The following LPP variants were observed in gnomAD, a reference collection of about 807,000 sequenced individuals.
The protein encoded by LPP is lipoma-preferred partner.
Under a neutral mutation model 60.4 loss-of-function variants are expected in LPP, and 38 were observed. The ratio of observed to expected loss-of-function variants is 0.63; its 90% CI spans 0.49 to 0.83. The LOEUF (loss-of-function observed/expected upper bound fraction) is 0.83. Ranked by LOEUF, LPP falls within the 40% of genes least tolerant of loss-of-function variation. The pLI is 0.00. For synonymous variants in LPP, 328 were observed against 290.8 expected, an observed-to-expected ratio of 1.13 and a Z score of -1.30; for missense variants, 902 against 783.6, an observed-to-expected ratio of 1.15 and a Z score of -1.80.
At chr3:188,771,241 CA>C (rs889076362) in intron 9 of LPP, among the ~76,000 whole-genome samples, 9 of 151,424 alleles carry the variant, frequency 5.9e-5, no homozygotes, top group African/African-American at 1.9e-4. Flanking sequence ...GTGATCTTAT[CA>C]AAAAAAATTT....
intron 9 of LPP, among the ~76,000 whole-genome samples, chr3:188,798,727 T>C (rs970995820): frequency 6.6e-6 from 1 of 152,184 alleles, no homozygotes; most frequent in African/African-American, 2.4e-5. Context: ...TGTAGCCATA[T>C]GTTGACTTCC....
In LPP at chr3:188,250,724, C is replaced by CTCTTTCTTTCTTTCTT. The variant is rs768358623; in HGVS notation, c.-67+25245_-67+25260dup. Reference sequence around the variant, plus strand: ...TTTCCTCTTTCTTTTCTTTCTTTCTCTCTTTCTTTCTTTCTTTCTTTCTTT... The same window carrying CTCTTTCTTTCTTTCTT: ...TTTCCTCTTTCTTTTCTTTCTTTCTCTCTTTCTTTCTTTCTTTCTTTCTTTCTTTCTTTCTTTCTTT... On this transcript the variant is annotated intron_variant, in intron 2 of 11. Coordinates refer to ENST00000617246, the MANE Select transcript of LPP (RefSeq NM_001375462.1). Among the ~76,000 whole-genome samples, 25 of 118,512 alleles carry CTCTTTCTTTCTTTCTT rather than the reference C, an allele frequency of 2.1e-4. 1 individual carries two copies. Among genetic ancestry groups the CTCTTTCTTTCTTTCTT allele is most frequent in the South Asian group, 3.2e-4 (1 of 3,164 alleles). The allele number at this position is 118,512 out of a possible 152,430, so 77.7% of individuals were successfully genotyped here. A position where few individuals can be genotyped will look rare whatever the true frequency, so the allele number is the denominator to read the frequency against.
chr3:188,341,153 C>T (rs768886474), intron 2 of LPP, among the ~76,000 whole-genome samples: 2 of 152,146 alleles, frequency 1.3e-5, no homozygotes, highest in Non-Finnish European at 2.9e-5. Flanking sequence ...TTTATTTTCT[C>T]TCTCCACCAA....
chr3:188,541,260 A>G (rs369372145), intron 6 of LPP, among the ~76,000 whole-genome samples: 1 of 152,152 alleles, frequency 6.6e-6, no homozygotes, highest in Non-Finnish European at 1.5e-5. Flanking sequence ...GCTCTACCTT[A>G]TGTTTTCAAT....
chr3:188,353,771 G>C (rs1766676330), intron 3 of LPP, among the ~76,000 whole-genome samples: 1 of 152,098 alleles, frequency 6.6e-6, no homozygotes, highest in Non-Finnish European at 1.5e-5. Context: ...TAGCTGATTT[G>C]TTTTCAGTAA....
chr3:188,534,848 A>G (rs1277371000), intron 6 of LPP, among the ~76,000 whole-genome samples: 2 of 152,208 alleles, frequency 1.3e-5, no homozygotes, highest in African/African-American at 2.4e-5. Context: ...CATGGTGAGT[A>G]ACTGGTTTGC....
intron 7 of LPP, among the ~76,000 whole-genome samples, chr3:188,632,499 G>T (rs1848020188): frequency 6.6e-6 from 1 of 152,122 alleles, no homozygotes; most frequent in Non-Finnish European, 1.5e-5. Context: ...AAGTTTTTTG[G>T]TTACTTGGCC....
chr3:188,412,305 A>G (rs546755431), intron 4 of LPP, among the ~76,000 whole-genome samples: 3 of 152,244 alleles, frequency 2.0e-5, no homozygotes, highest in African/African-American at 7.2e-5. Flanking sequence ...ATTAAAGACA[A>G]ATATTGGGAA....
chr3:188,713,392 A>AT (rs1232550937), intron 8 of LPP, among the ~76,000 whole-genome samples: 1 of 151,820 alleles, frequency 6.6e-6, no homozygotes. Flanking sequence ...TCTGGATGAA[A>AT]AAAAAAAAAG....
chr3:188,371,343 G>A (rs1383430428), intron 3 of LPP, among the ~76,000 whole-genome samples: 1 of 151,400 alleles, frequency 6.6e-6, no homozygotes, highest in East Asian at 1.9e-4. Context: ...AGGCAAAATT[G>A]GGGATACCAA....
At chr3:188,177,964 C>T (rs969959074) in intron 1 of LPP, among the ~76,000 whole-genome samples, 22 of 152,212 alleles carry the variant, frequency 1.4e-4, no homozygotes, top group African/African-American at 4.3e-4. Flanking sequence ...TGGCCAATTC[C>T]ATACATGCTC....
chr3:188,776,519 C>T (rs1435239897), intron 9 of LPP, among the ~76,000 whole-genome samples: 4 of 152,102 alleles, frequency 2.6e-5, no homozygotes, highest in Non-Finnish European at 5.9e-5. Context: ...GGCTTTTTCA[C>T]AAAAGTATCA....
chr3:188,600,865 C>T (rs1010205257), intron 6 of LPP, among the ~76,000 whole-genome samples: 1 of 151,866 alleles, frequency 6.6e-6, no homozygotes, highest in Non-Finnish European at 1.5e-5. Context: ...AGCTTAATCT[C>T]TTCAAGCTTC....
intron 4 of LPP, among the ~76,000 whole-genome samples, chr3:188,446,324 G>A (rs1795219110): frequency 2.0e-5 from 3 of 152,184 alleles, no homozygotes; most frequent in Non-Finnish European, 1.5e-5. Flanking sequence ...TTTCTGAAAT[G>A]TGTCTCTTTC....
intron 7 of LPP, among the ~76,000 whole-genome samples, chr3:188,702,631 G>A (rs980588685): frequency 2.6e-5 from 4 of 152,056 alleles, no homozygotes; most frequent in Non-Finnish European, 4.4e-5. Flanking sequence ...AAAATCTGTC[G>A]CTCAGTAACT....
chr3:188,231,534 A>C (rs1423870600), intron 2 of LPP, among the ~76,000 whole-genome samples: 2 of 152,016 alleles, frequency 1.3e-5, no homozygotes, highest in Non-Finnish European at 2.9e-5. Flanking sequence ...TGCCCTCCTC[A>C]GCGGTAGAGC....
At chr3:188,499,380 G>C (rs113469928) in intron 5 of LPP, among the ~76,000 whole-genome samples, 9 of 152,182 alleles carry the variant, frequency 5.9e-5, no homozygotes, top group African/African-American at 1.9e-4. Flanking sequence ...TTGTTGAAAA[G>C]ACTGTCCTTC....
At chr3:188,790,694 C>A (rs913680778) in intron 9 of LPP, among the ~76,000 whole-genome samples, 1 of 151,816 alleles carries the variant, frequency 6.6e-6, no homozygotes, top group East Asian at 1.9e-4. Context: ...TGGTGGCGGG[C>A]ACCTGTAATC....
chr3:188,877,107 C>A lies in LPP; in HGVS notation c.*2628C>A, dbSNP rs1337982659. ...AAGGTATAATAAGGAAAGGATCCTA[C>A]AATATTTTATTCTAGGGTTTCTTAA... On this transcript the variant is annotated 3_prime_UTR_variant, in exon 12 of 12. Coordinates refer to ENST00000617246, the MANE Select transcript of LPP (RefSeq NM_001375462.1). The A allele has an allele frequency of 1.7e-5, 3 of 172,822 alleles. No individual in the cohort carries two copies. The highest frequency in any genetic ancestry group is 1.0e-4 in the East Asian group (1 of 9,650). 10.7% of individuals were successfully genotyped at this position (172,822 alleles called of 1,614,324 possible). A position where few individuals can be genotyped will look rare whatever the true frequency, so the allele number is the denominator to read the frequency against.
Sources: allele counts gnomAD v4.1 joint callset (sites outside exome capture counted in the v4.1 genomes callset), GRCh38; gene constraint gnomAD v4.1.1; transcripts MANE v1.5; gene names NCBI Gene and HGNC (gene_info 2026-07-23, HGNC 2026-07-21).